The following RRP7A variants were observed in gnomAD, a reference collection of about 807,000 sequenced individuals.
RRP7A encodes ribosomal RNA processing 7 homolog A, also known as ribosomal RNA-processing protein 7 homolog A.
In RRP7A, 27 loss-of-function variants were observed where a neutral mutation model predicts 38.4. The ratio of observed to expected loss-of-function variants is 0.70; its 90% CI spans 0.52 to 0.97. The LOEUF (loss-of-function observed/expected upper bound fraction) is 0.97, where lower values mean the gene tolerates loss of function less well. Among genes scored for constraint, RRP7A ranks in the 50% least tolerant of loss-of-function variants. The pLI, the probability that RRP7A is intolerant of heterozygous loss-of-function variation, is 0.00. For synonymous variants in RRP7A, 124 were observed against 150.3 expected, an observed-to-expected ratio of 0.83 and a Z score of 1.28; for missense variants, 327 against 375.4, an observed-to-expected ratio of 0.87 and a Z score of 1.07.
rs749443664 is a variant in RRP7A, at chr22:42,515,983, T to C, written c.342+28A>G. On this transcript the variant is annotated intron_variant, in intron 3 of 6. Transcript: ENST00000323013. ...GGACAGTGCCCCACCCCCCTCACTC[T>C]AGTGGAACCCCGGGCTTGGCGGCTC... The C allele has an allele frequency of 7.7e-6, 12 of 1,568,548 alleles. No individual in the cohort carries two copies. In the South Asian group the frequency reaches 1.4e-4, roughly 19 times the overall value.
chr22:42,514,895 T>C, intron 4 of RRP7A, 116 bp from the exon 5 acceptor site: 1 of 905,832 alleles, frequency 1.1e-6, no homozygotes, highest in Non-Finnish European at 1.7e-6. Flanking sequence ...GCACAGGTGC[T>C]AAGGAGATCC....
chr22:42,512,503 C>T lies in RRP7A; in HGVS notation c.*407G>A, dbSNP rs1932499515. On this transcript the variant is annotated 3_prime_UTR_variant, in exon 7 of 7. Coordinates refer to ENST00000323013, the MANE Select transcript of RRP7A (RefSeq NM_015703.5). ...GGAGGAAGGAAGGGCGGGCTGGGCC[C>T]ACCTAGCCTTTCCCTGCTGCCCAAC... 5.4e-6 allele frequency: 3 copies of T among 557,940 alleles called. No homozygotes were observed. Among genetic ancestry groups the T allele is most frequent in the Non-Finnish European group, 3.2e-6 (1 of 312,242 alleles). The allele number at this position is 557,940 out of a possible 1,614,324, so 34.6% of individuals were successfully genotyped here.
Position 42,518,068 on chromosome 22 carries a change from G to A in RRP7A, c.153C>T (p.Thr51=). Residue 51 remains threonine, a synonymous_variant, in exon 2 of 7, where the codon ACC becomes ACT. Coordinates refer to ENST00000323013, the MANE Select transcript of RRP7A (RefSeq NM_015703.5). ...TCCTCTTCTGAGGCCAGGTGGACTT[G>A]GTGCCTTGTCGAACGCCGTGTGCTC... ...YVRAHGVRQG[T]KSTWPQKRTL... 2 of 1,614,090 alleles carry A rather than the reference G, an allele frequency of 1.2e-6. No individual in the cohort carries two copies. The highest frequency in any genetic ancestry group is 1.7e-6 in the Non-Finnish European group (2 of 1,179,972).
chr22:42,515,973 C>A (rs1239539518), intron 3 of RRP7A, 38 bp downstream of exon 3: 3 of 1,559,050 alleles, frequency 1.9e-6, no homozygotes, highest in South Asian at 1.2e-5. Flanking sequence ...GTGCCCCACC[C>A]CCCTCACTCT....
At position 42,510,877 on chromosome 22, in the gene RRP7A, A is replaced by C; in HGVS notation, c.*2033T>G. 2.2e-6 allele frequency: 2 copies of C among 915,064 alleles called. No homozygotes were observed. Among genetic ancestry groups the C allele is most frequent in the Non-Finnish European group, 2.8e-6 (2 of 712,792 alleles). The allele number at this position is 915,064 out of a possible 1,614,324, so 56.7% of individuals were successfully genotyped here. A position where few individuals can be genotyped will look rare whatever the true frequency, so the allele number is the denominator to read the frequency against. ...ATCTATCAGGCCTCATGCTCCAGTG[A>C]TCAGTCCCTAGAGGCCTGGGGACAC... On this transcript the variant is annotated 3_prime_UTR_variant, in exon 7 of 7. Transcript: ENST00000323013.
Position 42,515,992 on chromosome 22 carries a change from C to T in RRP7A, c.342+19G>A. 1 of 1,576,904 alleles carries T rather than the reference C, an allele frequency of 6.3e-7. No individual in the cohort carries two copies. Among genetic ancestry groups the T allele is most frequent in the Non-Finnish European group, 8.6e-7 (1 of 1,159,516 alleles). On this transcript the variant is annotated intron_variant, in intron 3 of 6. Coordinates refer to ENST00000323013, the MANE Select transcript of RRP7A (RefSeq NM_015703.5). The stretch of plus-strand genomic sequence containing the variant: ...CCCACCCCCCTCACTCTAGTGGAAC[C>T]CCGGGCTTGGCGGCTCACCGGAACT...
chr22:42,510,834 C>T lies in RRP7A; in HGVS notation c.*2076G>A. On this transcript the variant is annotated 3_prime_UTR_variant, in exon 7 of 7. Coordinates refer to ENST00000323013, the MANE Select transcript of RRP7A (RefSeq NM_015703.5). ...AAGACCCCTGGTCTGCCCCCAGGCC[C>T]AACAAGTGACCACCAGGATCTATCA... is the stretch of plus-strand genomic sequence containing the variant. 8.3e-7 allele frequency: 1 copy of T among 1,202,320 alleles called. No individual in the cohort carries two copies. Among genetic ancestry groups the T allele is most frequent in the Non-Finnish European group, 1.1e-6 (1 of 952,006 alleles). 74.5% of individuals were successfully genotyped at this position (1,202,320 alleles called of 1,614,324 possible). A position where few individuals can be genotyped will look rare whatever the true frequency, so the allele number is the denominator to read the frequency against.
At chr22:42,519,682 CG>C in intron 1 of RRP7A, 31 bp downstream of exon 1, 5 of 1,435,564 alleles carry the variant, frequency 3.5e-6, no homozygotes, top group Non-Finnish European at 3.7e-6. Context: ...GATGCCTGAC[CG>C]CCCCCGGTCT....
At chr22:42,516,492 G>A in intron 2 of RRP7A, 1 of 375,730 alleles carries the variant, frequency 2.7e-6, no homozygotes, top group South Asian at 2.0e-5. Context: ...TTTGTATTTT[G>A]AGAAGAGACA....
In RRP7A at chr22:42,514,343, T is replaced by G. The variant is rs111314672; in HGVS notation, c.559-39A>C. Reference sequence around the variant, plus strand: ...GATCCCATCCTCCGGTGGGACCTCCTGCAGCCTCCAGCAGCGCGCCCTCCA... The same window carrying G: ...GATCCCATCCTCCGGTGGGACCTCCGGCAGCCTCCAGCAGCGCGCCCTCCA... On this transcript the variant is annotated intron_variant, in intron 5 of 6. Coordinates refer to ENST00000323013, the MANE Select transcript of RRP7A (RefSeq NM_015703.5). 113 of 1,379,556 alleles carry G rather than the reference T, an allele frequency of 8.2e-5. 6 individuals carry two copies. The highest frequency in any genetic ancestry group is 1.1e-4 in the Non-Finnish European group (112 of 1,003,318). 85.5% of individuals were successfully genotyped at this position (1,379,556 alleles called of 1,614,324 possible). A position where few individuals can be genotyped will look rare whatever the true frequency, so the allele number is the denominator to read the frequency against.
At chr22:42,516,417 C>G (rs1254121553) in intron 2 of RRP7A, 1 of 476,890 alleles carries the variant, frequency 2.1e-6, no homozygotes, top group Non-Finnish European at 4.1e-6. Flanking sequence ...GCAAGTGATT[C>G]TCATGCCTCA....
Position 42,511,462 on chromosome 22 carries a change from AC to A in RRP7A, c.*1447del, listed in dbSNP as rs2146616929. The stretch of plus-strand genomic sequence containing the variant: ...AGTGCTGGTTTTGCAGATGGGAGCC[AC>A]CATGCCCAGCCTAGTCTCACTTTAT... On this transcript the variant is annotated 3_prime_UTR_variant, in exon 7 of 7. Coordinates refer to ENST00000323013, the MANE Select transcript of RRP7A (RefSeq NM_015703.5). 1 of 153,194 alleles carries A rather than the reference AC, an allele frequency of 6.5e-6. No homozygotes were observed. Among genetic ancestry groups the A allele is most frequent in the South Asian group, 2.1e-4 (1 of 4,860 alleles). 9.5% of individuals were successfully genotyped at this position (153,194 alleles called of 1,614,324 possible).
Position 42,510,661 on chromosome 22 carries a change from G to GAATT in RRP7A, c.*2245_*2248dup. 7.2e-7 allele frequency: 1 copy of GAATT among 1,391,966 alleles called. No homozygotes were observed. Among genetic ancestry groups the GAATT allele is most frequent in the Non-Finnish European group, 1.0e-6 (1 of 1,003,256 alleles). 86.2% of individuals were successfully genotyped at this position (1,391,966 alleles called of 1,614,324 possible). On this transcript the variant is annotated 3_prime_UTR_variant, in exon 7 of 7. Transcript: ENST00000323013. ...TCCACGGATATTTTGATCCAAGAGA[G>GAATT]AATTACTCTGACAAGGAGTCCCTGT... is the stretch of plus-strand genomic sequence containing the variant.
At chr22:42,516,560 G>A (rs1367040268) in intron 2 of RRP7A, 4 of 350,616 alleles carry the variant, frequency 1.1e-5, no homozygotes, top group African/African-American at 4.3e-5. Flanking sequence ...TGATCCGCCC[G>A]CCTCGGCCTC....
In RRP7A at chr22:42,509,685, C is replaced by T. The variant is rs574986249; in HGVS notation, c.*3225G>A. 7.3e-3 allele frequency among the ~76,000 whole-genome samples: 1,106 copies of T among 151,426 alleles called. No individual in the cohort carries two copies. Among genetic ancestry groups the T allele is most frequent in the Middle Eastern group, 0.017 (5 of 294 alleles). On this transcript the variant is annotated 3_prime_UTR_variant, in exon 7 of 7. Transcript: ENST00000323013. Reference sequence around the variant, plus strand: ...AACGAAGCACTGACATGGGCTCCAGCATGGATGAGCCTTGAAAACATCGCA... The same window carrying T: ...AACGAAGCACTGACATGGGCTCCAGTATGGATGAGCCTTGAAAACATCGCA...
In RRP7A at chr22:42,511,781, G is replaced by A. The variant is rs1343922076; in HGVS notation, c.*1129C>T. The A allele has an allele frequency of 4.3e-6, 1 of 235,078 alleles. No individual in the cohort carries two copies. Among genetic ancestry groups the A allele is most frequent in the Non-Finnish European group, 8.5e-6 (1 of 118,334 alleles). The allele number at this position is 235,078 out of a possible 1,614,324, so 14.6% of individuals were successfully genotyped here. On this transcript the variant is annotated 3_prime_UTR_variant, in exon 7 of 7. Transcript: ENST00000323013. ...CTTGAAGGCAGACACAAGTCTGCAG[G>A]CTGCTCACGTCATCTCATTATCTTT...
intron 3 of RRP7A, 128 bp downstream of exon 3, chr22:42,515,883 A>G: frequency 9.0e-6 from 11 of 1,226,988 alleles, no homozygotes; most frequent in Non-Finnish European, 1.2e-5. Flanking sequence ...AGTCTCTTAC[A>G]CCACACACGG....
chr22:42,519,750 G>T lies in RRP7A; in HGVS notation c.37C>A (p.Pro13Thr), dbSNP rs748308379. 283 of 1,455,002 alleles carry T rather than the reference G, an allele frequency of 1.9e-4. No individual in the cohort carries two copies. Among genetic ancestry groups the T allele is most frequent in the Non-Finnish European group, 2.5e-4 (271 of 1,105,944 alleles). 90.1% of individuals were successfully genotyped at this position (1,455,002 alleles called of 1,614,324 possible). The change falls in exon 1 of 7, where the codon CCG becomes ACG. Residue 13 changes from proline to threonine, a missense_variant. Coordinates refer to ENST00000323013, the MANE Select transcript of RRP7A (RefSeq NM_015703.5). ...AGTGGGCTGGGGATACGGTCCTCCG[G>T]GTCCCGCGCGGCGCACTTCCTCCTG... ...ARRRKCAARD[P>T]EDRIPSPLGY...
intron 6 of RRP7A, among the ~76,000 whole-genome samples, chr22:42,513,882 C>G (rs1166295246): frequency 6.6e-6 from 1 of 152,114 alleles, no homozygotes; most frequent in Non-Finnish European, 1.5e-5. Flanking sequence ...TCCCCACCCA[C>G]TGAGCAAATG....
Sources: gnomAD v4.1 joint callset for allele counts (sites outside exome capture counted in the v4.1 genomes callset) on GRCh38, gnomAD v4.1.1 for gene constraint, MANE v1.5 for transcripts, NCBI Gene and HGNC (gene_info 2026-07-23, HGNC 2026-07-21) for gene names.